HNRNPUL1: variants seen among roughly 807,000 people sequenced by gnomAD.
HNRNPUL1 encodes heterogeneous nuclear ribonucleoprotein U like 1.
Under a neutral mutation model 108.5 loss-of-function variants are expected in HNRNPUL1, and 14 were observed. That is an observed-to-expected ratio of 0.13 (90% CI 0.09 to 0.20). HNRNPUL1 has a LOEUF of 0.20. Among genes scored for constraint, HNRNPUL1 ranks in the 10% least tolerant of loss-of-function variants. HNRNPUL1 has a pLI of 1.00. For missense variants in HNRNPUL1, 804 were observed against 1,168.3 expected, an observed-to-expected ratio of 0.69 and a Z score of 4.55; for synonymous variants, 422 against 445.2, an observed-to-expected ratio of 0.95 and a Z score of 0.66.
intron 1 of HNRNPUL1, among the ~76,000 whole-genome samples, chr19:41,266,443 A>G (rs1442349816): frequency 6.6e-6 from 1 of 151,710 alleles, no homozygotes; most frequent in African/African-American, 2.4e-5. Flanking sequence ...CAAAAAAGAA[A>G]AAAGCAGCTT....
intron 7 of HNRNPUL1, among the ~76,000 whole-genome samples, chr19:41,286,162 C>G (rs923011038): frequency 6.7e-6 from 1 of 149,902 alleles, no homozygotes; most frequent in Non-Finnish European, 1.5e-5. Context: ...TTTATGCACT[C>G]ATATGACATA....
At chr19:41,304,524 G>A (rs1044712801) in intron 13 of HNRNPUL1, among the ~76,000 whole-genome samples, 2 of 152,196 alleles carry the variant, frequency 1.3e-5, no homozygotes, top group African/African-American at 4.8e-5. Flanking sequence ...AAGGGGATGG[G>A]CTGTAAGCAC....
At chr19:41,300,793 A>G (rs1378515100) in intron 10 of HNRNPUL1, among the ~76,000 whole-genome samples, 1 of 152,230 alleles carries the variant, frequency 6.6e-6, no homozygotes, top group African/African-American at 2.4e-5. Flanking sequence ...ATTAGGAGCA[A>G]AACTGCACTT....
chr19:41,305,795 G>A lies in HNRNPUL1; in HGVS notation c.2382G>A (p.Pro794=), dbSNP rs1033955671. Residue 794 remains proline (P), a synonymous_variant, in exon 14 of 15, where the codon CCG becomes CCA. Transcript: ENST00000392006. ...ATGGGAGCTACGGCGGTTACAACCC[G>A]GCCCCCTATACCCCACCGCCACCCC... is the stretch of plus-strand genomic sequence containing the variant. The part of the protein sequence containing the change: ...YNYGSYGGYN[P]APYTPPPPPT... The A allele has an allele frequency of 8.7e-6, 14 of 1,610,022 alleles. No homozygotes were observed. The highest frequency in any genetic ancestry group is 5.4e-5 in the African/African-American group (4 of 74,380).
At chr19:41,268,964 C>G (rs1345990249) in intron 2 of HNRNPUL1, among the ~76,000 whole-genome samples, 1 of 151,932 alleles carries the variant, frequency 6.6e-6, no homozygotes, top group Non-Finnish European at 1.5e-5. Flanking sequence ...CCAGAAAGAG[C>G]CTTCTAAGTC....
At chr19:41,267,697 C>A (rs1475361263) in intron 1 of HNRNPUL1, among the ~76,000 whole-genome samples, 1 of 152,230 alleles carries the variant, frequency 6.6e-6, no homozygotes, top group East Asian at 1.9e-4. Flanking sequence ...TGGTAGGGCC[C>A]TTGGGGCCCT....
intron 13 of HNRNPUL1, 117 bp downstream of exon 13, chr19:41,304,378 C>A (rs1489177919): frequency 1.4e-6 from 2 of 1,480,310 alleles, no homozygotes; most frequent in Non-Finnish European, 1.8e-6. Flanking sequence ...CTGGTCTTCA[C>A]TCTAACCTCT....
chr19:41,303,824 A>T (rs1599858600), intron 12 of HNRNPUL1, 148 bp from the exon 13 acceptor site: 1 of 954,730 alleles, frequency 1.0e-6, no homozygotes, highest in Non-Finnish European at 1.6e-6. Flanking sequence ...GGGTCTAGAG[A>T]ATCCCAGAGG....
chr19:41,274,710 A>G (rs1160836865), intron 4 of HNRNPUL1, among the ~76,000 whole-genome samples: 2 of 152,328 alleles, frequency 1.3e-5, no homozygotes, highest in East Asian at 3.9e-4. Flanking sequence ...CAGAAGCCCA[A>G]TCAGGTCTGA....
chr19:41,304,795 A>G (rs2037447086), intron 13 of HNRNPUL1, among the ~76,000 whole-genome samples: 1 of 152,142 alleles, frequency 6.6e-6, no homozygotes. Context: ...TAAACCAGAG[A>G]GGTTTTCAGT....
chr19:41,282,075 C>T lies in HNRNPUL1; in HGVS notation c.999+800C>T, dbSNP rs573759498. 4.6e-5 allele frequency among the ~76,000 whole-genome samples: 7 copies of T among 152,290 alleles called. No individual in the cohort carries two copies. The East Asian group carries it at 7.7e-4, about 17-fold the overall frequency. On this transcript the variant is annotated intron_variant, in intron 7 of 14. Transcript: ENST00000392006. Reference sequence around the variant, plus strand: ...TATAAGAGATGTTTGTAAAATGTGCCGTAAGGCCCCAGAGGAAGTGACCAC... The same window carrying T: ...TATAAGAGATGTTTGTAAAATGTGCTGTAAGGCCCCAGAGGAAGTGACCAC...
In HNRNPUL1 at chr19:41,269,504, C is replaced by A. The variant is rs1288861592; in HGVS notation, c.418+1159C>A. On this transcript the variant is annotated intron_variant, in intron 2 of 14. Coordinates refer to ENST00000392006, the MANE Select transcript of HNRNPUL1 (RefSeq NM_007040.6). ...CGAAAAAAAAAAAAAAAAAAAAAAA[C>A]CTAAAATTAAAAGTAGGTTAGAACA... Among the ~76,000 whole-genome samples, 55 of 130,058 alleles carry A rather than the reference C, an allele frequency of 4.2e-4. 1 individual carries two copies. In the South Asian group the frequency reaches 0.01, roughly 24 times the overall value. The allele number at this position is 130,058 out of a possible 152,430, so 85.3% of individuals were successfully genotyped here.
intron 12 of HNRNPUL1, 132 bp from the exon 13 acceptor site, chr19:41,303,840 C>A: frequency 1.8e-6 from 2 of 1,102,238 alleles, no homozygotes; most frequent in Non-Finnish European, 2.6e-6. Flanking sequence ...AGAGGACATG[C>A]TTTGTTGTTC....
intron 1 of HNRNPUL1, 43 bp from the exon 2 acceptor site, chr19:41,268,180 A>G: frequency 6.2e-7 from 1 of 1,604,362 alleles, no homozygotes; most frequent in Non-Finnish European, 8.5e-7. Context: ...AGGGTTCTTC[A>G]TGAACCGCCC....
intron 4 of HNRNPUL1, among the ~76,000 whole-genome samples, chr19:41,275,250 T>C (rs1459548510): frequency 6.6e-6 from 1 of 152,134 alleles, no homozygotes; most frequent in Non-Finnish European, 1.5e-5. Context: ...TAGGAATATA[T>C]GGTGGTGGTG....
chr19:41,304,331 G>A, intron 13 of HNRNPUL1, 70 bp downstream of exon 13: 1 of 1,529,000 alleles, frequency 6.5e-7, no homozygotes, highest in Non-Finnish European at 8.8e-7. Context: ...AAGTTAGGTG[G>A]AGGCGGATCT....
intron 2 of HNRNPUL1, among the ~76,000 whole-genome samples, chr19:41,269,497 A>C (rs1358151688): frequency 2.0e-5 from 3 of 151,642 alleles, no homozygotes; most frequent in Admixed American, 6.6e-5. Context: ...AAAAAAAAAA[A>C]AAAAAACCTA....
chr19:41,279,314 G>A, intron 6 of HNRNPUL1, 138 bp downstream of exon 6: 1 of 614,566 alleles, frequency 1.6e-6, no homozygotes, highest in Middle Eastern at 3.9e-4. Context: ...ACAAGGATTA[G>A]GTATATGCCA....
chr19:41,280,220 G>A (rs1024172477), intron 6 of HNRNPUL1, among the ~76,000 whole-genome samples: 1 of 152,164 alleles, frequency 6.6e-6, no homozygotes, highest in Non-Finnish European at 1.5e-5. Flanking sequence ...GAAGTGTTAG[G>A]GGGTAACAAG....
Sources: allele counts gnomAD v4.1 joint callset (sites outside exome capture counted in the v4.1 genomes callset), GRCh38; gene constraint gnomAD v4.1.1; transcripts MANE v1.5; gene names NCBI Gene and HGNC (gene_info 2026-07-23, HGNC 2026-07-21).